The following MARCHF10 variants were observed in gnomAD, a reference collection of about 807,000 sequenced individuals.
The protein encoded by MARCHF10 is membrane associated ring-CH-type finger 10, also known as probable E3 ubiquitin-protein ligase MARCHF10.
Under a neutral mutation model 76.2 loss-of-function variants are expected in MARCHF10, and 64 were observed. The ratio of observed to expected loss-of-function variants is 0.84; its 90% CI spans 0.69 to 1.03. The LOEUF is 1.03. Among genes scored for constraint, MARCHF10 ranks in the 50% least tolerant of loss-of-function variants. The probability of loss-of-function intolerance (pLI) is 0.00; values close to 1 mark genes in which losing one functional copy is unlikely to be tolerated. For synonymous variants in MARCHF10, 340 were observed against 357.5 expected (o/e 0.95, Z 0.55); for missense variants, 875 against 958.0 (o/e 0.91, Z 1.14).
chr17:62,705,629 T>C (rs760583366), intron 9 of MARCHF10, 48 bp from the exon 10 acceptor site: 16 of 1,609,088 alleles, frequency 9.9e-6, no homozygotes, highest in African/African-American at 4.0e-5. Flanking sequence ...TCCAATACGA[T>C]TGTGAACAGA....
At chr17:62,803,447 C>T (rs554400977) in intron 1 of MARCHF10, among the ~76,000 whole-genome samples, 53 of 152,002 alleles carry the variant, frequency 3.5e-4, no homozygotes, top group Middle Eastern at 3.4e-3. Context: ...CAACCAGCAT[C>T]GGGTAGCAAC....
At chr17:62,765,104 T>G (rs1424550971) in intron 3 of MARCHF10, among the ~76,000 whole-genome samples, 2 of 152,136 alleles carry the variant, frequency 1.3e-5, no homozygotes, top group African/African-American at 4.8e-5. Flanking sequence ...CCCAGCACTT[T>G]GGGAGGCCAA....
intron 3 of MARCHF10, among the ~76,000 whole-genome samples, chr17:62,782,910 CA>C (rs2092684556): frequency 1.3e-5 from 2 of 152,096 alleles, no homozygotes; most frequent in African/African-American, 4.8e-5. Flanking sequence ...CTTTTGTGTC[CA>C]GGGGCAAATC....
At chr17:62,775,269 G>A (rs936753282) in intron 3 of MARCHF10, among the ~76,000 whole-genome samples, 13 of 151,598 alleles carry the variant, frequency 8.6e-5, no homozygotes, top group Non-Finnish European at 1.6e-4. Flanking sequence ...GGGATTATAG[G>A]CACCCACCAC....
intron 3 of MARCHF10, among the ~76,000 whole-genome samples, chr17:62,766,680 A>G (rs1029535737): frequency 3.9e-5 from 6 of 152,174 alleles, no homozygotes; most frequent in Non-Finnish European, 7.3e-5. Flanking sequence ...GAGCAACACC[A>G]GGGGGCTTGG....
intron 4 of MARCHF10, 100 bp downstream of exon 4, chr17:62,759,735 T>C: frequency 8.1e-7 from 1 of 1,238,200 alleles, no homozygotes. Context: ...CCTCTCAAAG[T>C]GCTGGGATTA....
At chr17:62,778,580 A>G (rs2092596093) in intron 3 of MARCHF10, among the ~76,000 whole-genome samples, 1 of 150,868 alleles carries the variant, frequency 6.6e-6, no homozygotes, top group African/African-American at 2.4e-5. Flanking sequence ...AAAACACAAA[A>G]TTAGCCGGGC....
intron 4 of MARCHF10, among the ~76,000 whole-genome samples, chr17:62,753,004 G>A (rs2091940003): frequency 6.6e-6 from 1 of 152,136 alleles, no homozygotes; most frequent in Non-Finnish European, 1.5e-5. Context: ...TGACATTTAA[G>A]GCCCTTGGAG....
At chr17:62,727,553 T>A (rs940767713) in intron 6 of MARCHF10, among the ~76,000 whole-genome samples, 2 of 152,056 alleles carry the variant, frequency 1.3e-5, no homozygotes, top group East Asian at 3.9e-4. Flanking sequence ...TTGGTATTAC[T>A]CCTGTGCACA....
rs1303093793 is a variant in MARCHF10, at chr17:62,798,439, CATT to C, written c.90+3204_90+3206del. ...AGGAGTTCGAGACCAGCCTGGGAAACATTAAAAAAAAAAAAAAAAAAGAAAGCC... is the reference window on the plus strand; with the variant it reads ...AGGAGTTCGAGACCAGCCTGGGAAACAAAAAAAAAAAAAAAAAAGAAAGCC... On this transcript the variant is annotated intron_variant, in intron 2 of 10. Coordinates refer to ENST00000311269, the MANE Select transcript of MARCHF10 (RefSeq NM_152598.4). Among the ~76,000 whole-genome samples the C allele has an allele frequency of 3.6e-5, 3 of 82,276 alleles. No homozygotes were observed. In the East Asian group the frequency reaches 1.1e-3, roughly 30 times the overall value. 54.0% of individuals were successfully genotyped at this position (82,276 alleles called of 152,430 possible).
intron 8 of MARCHF10, among the ~76,000 whole-genome samples, chr17:62,721,525 GC>G (rs1313987733): frequency 6.6e-6 from 1 of 152,012 alleles, no homozygotes; most frequent in Non-Finnish European, 1.5e-5. Flanking sequence ...TGTGGATATT[GC>G]CAACAAAAGT....
At chr17:62,779,639 A>G (rs1256590620) in intron 3 of MARCHF10, among the ~76,000 whole-genome samples, 1 of 152,236 alleles carries the variant, frequency 6.6e-6, no homozygotes, top group Non-Finnish European at 1.5e-5. Context: ...CAGTATGCAA[A>G]GCATTGTGCT....
chr17:62,805,584 C>G (rs1202432593), intron 1 of MARCHF10, among the ~76,000 whole-genome samples: 2 of 152,022 alleles, frequency 1.3e-5, no homozygotes, highest in Non-Finnish European at 2.9e-5. Context: ...GAAGTAGCAC[C>G]CTTTGAATTA....
chr17:62,705,290 C>A, intron 10 of MARCHF10: 2 of 1,436,972 alleles, frequency 1.4e-6, no homozygotes, highest in Non-Finnish European at 9.1e-7. Context: ...AAGATAACCT[C>A]TTCCCTTTGT....
chr17:62,724,186 ATT>A (rs11462196), intron 7 of MARCHF10, among the ~76,000 whole-genome samples: 78 of 138,184 alleles, frequency 5.6e-4, no homozygotes, highest in Non-Finnish European at 5.8e-4. Flanking sequence ...TGTTCCATGC[ATT>A]TTTTTTTTTT....
In MARCHF10 at chr17:62,738,509, T is replaced by C. The variant is rs963343471; in HGVS notation, c.536-1177A>G. The stretch of plus-strand genomic sequence containing the variant: ...TGTGTGGGATCTGATGAGATGCTGC[T>C]CTTTTTATCATTCCATTTCTAAAGC... On this transcript the variant is annotated intron_variant, in intron 5 of 10. Coordinates refer to ENST00000311269, the MANE Select transcript of MARCHF10 (RefSeq NM_152598.4). The surrounding 1 kb of genome is among the most constrained non-coding windows in gnomAD (Gnocchi z 4.0). Among the ~76,000 whole-genome samples the C allele has an allele frequency of 6.6e-6, 1 of 152,222 alleles. No homozygotes were observed. Among genetic ancestry groups the C allele is most frequent in the Non-Finnish European group, 1.5e-5 (1 of 68,050 alleles).
rs1231186430 is a variant in MARCHF10, at chr17:62,705,595, G to GACAATGAGA, written c.2329-23_2329-15dup. On this transcript the variant is annotated splice_polypyrimidine_tract_variant and intron_variant, in intron 9 of 10. Coordinates refer to ENST00000311269, the MANE Select transcript of MARCHF10 (RefSeq NM_152598.4). Reference sequence around the variant, plus strand: ...ATTTCTTGACAACTACAAGAAAGAAGACAATGAGAAATGAATTGTTTTTTC... The same window carrying GACAATGAGA: ...ATTTCTTGACAACTACAAGAAAGAAGACAATGAGAACAATGAGAAATGAATTGTTTTTTC... The GACAATGAGA allele has an allele frequency of 1.2e-6, 2 of 1,613,278 alleles. No individual in the cohort carries two copies. Among genetic ancestry groups the GACAATGAGA allele is most frequent in the East Asian group, 4.5e-5 (2 of 44,884 alleles).
chr17:62,796,916 C>T (rs1006820983), intron 2 of MARCHF10, among the ~76,000 whole-genome samples: 1 of 152,094 alleles, frequency 6.6e-6, no homozygotes, highest in Non-Finnish European at 1.5e-5. Flanking sequence ...TAACTTGAGG[C>T]TGAGAGGTTG....
At chr17:62,717,743 GCCT>G (rs764674908) in intron 8 of MARCHF10, among the ~76,000 whole-genome samples, 6 of 152,332 alleles carry the variant, frequency 3.9e-5, no homozygotes, top group South Asian at 2.1e-4. Flanking sequence ...GTCCCAGGAC[GCCT>G]CCTCGTTCCT....
Sources: allele counts gnomAD v4.1 joint callset (sites outside exome capture counted in the v4.1 genomes callset), GRCh38; gene constraint gnomAD v4.1.1; non-coding constraint Gnocchi (gnomAD v3.1); transcripts MANE v1.5; gene names NCBI Gene and HGNC (gene_info 2026-07-23, HGNC 2026-07-21).